Variants in TET1 observed in about 807,000 individuals in gnomAD.
TET1 encodes methylcytosine dioxygenase TET1.
Under a neutral mutation model 148.7 loss-of-function variants are expected in TET1, and 13 were observed. The ratio of observed to expected loss-of-function variants is 0.09; its 90% CI spans 0.06 to 0.14. The LOEUF is 0.14. Among genes scored for constraint, TET1 ranks in the 10% least tolerant of loss-of-function variants. The probability of loss-of-function intolerance (pLI) is 1.00; values close to 1 mark genes in which losing one functional copy is unlikely to be tolerated. For synonymous variants in TET1, 907 were observed against 937.2 expected, an observed-to-expected ratio of 0.97 and a Z score of 0.59; for missense variants, 2,182 against 2,553.8, an observed-to-expected ratio of 0.85 and a Z score of 3.14.
At chr10:68,586,595 A>C (rs1206552628) in intron 2 of TET1, among the ~76,000 whole-genome samples, 1 of 150,066 alleles carries the variant, frequency 6.7e-6, no homozygotes, top group African/African-American at 2.4e-5. Context: ...AGCTTTCCAA[A>C]GTGCTGGTAT....
At chr10:68,686,757 G>A (rs751699341) in intron 11 of TET1, 50 bp downstream of exon 11, 1 of 1,503,510 alleles carries the variant, frequency 6.7e-7, no homozygotes, top group Admixed American at 2.1e-5. Flanking sequence ...ATGGATAGAT[G>A]TGTTTGGACT....
intron 1 of TET1, among the ~76,000 whole-genome samples, chr10:68,563,482 A>T (rs1342507283): frequency 6.6e-6 from 1 of 152,260 alleles, no homozygotes; most frequent in African/African-American, 2.4e-5. Context: ...AGTCTCTTGC[A>T]ACTAGCTCTA....
At chr10:68,587,643 C>T (rs2053875115) in intron 2 of TET1, among the ~76,000 whole-genome samples, 1 of 152,134 alleles carries the variant, frequency 6.6e-6, no homozygotes, top group African/African-American at 2.4e-5. Flanking sequence ...CACATTACTT[C>T]ATTACTAATT....
chr10:68,675,254 C>T (rs1422751308), intron 8 of TET1, among the ~76,000 whole-genome samples: 1 of 152,168 alleles, frequency 6.6e-6, no homozygotes, highest in African/African-American at 2.4e-5. Context: ...TAATAATTTT[C>T]ACCAAAATAA....
At chr10:68,604,746 A>G (rs2054101458) in intron 3 of TET1, among the ~76,000 whole-genome samples, 1 of 152,216 alleles carries the variant, frequency 6.6e-6, no homozygotes, top group South Asian at 2.1e-4. Flanking sequence ...GGGCATGACT[A>G]GTGACCACAG....
intron 1 of TET1, among the ~76,000 whole-genome samples, chr10:68,566,886 A>G (rs1434436028): frequency 1.3e-5 from 2 of 151,404 alleles, no homozygotes; most frequent in Non-Finnish European, 2.9e-5. Flanking sequence ...TATTTATGAA[A>G]CACCTATCAT....
chr10:68,566,308 G>C (rs369741881), intron 1 of TET1, among the ~76,000 whole-genome samples: 3 of 152,288 alleles, frequency 2.0e-5, no homozygotes, highest in African/African-American at 7.2e-5. Context: ...AATTTCAAGA[G>C]ATTAAAATGA....
chr10:68,665,978 C>T (rs1051326991), intron 6 of TET1, among the ~76,000 whole-genome samples: 18 of 152,146 alleles, frequency 1.2e-4, no homozygotes, highest in African/African-American at 3.9e-4. Context: ...TTGCTCCATT[C>T]TGGTCACATG....
intron 1 of TET1, among the ~76,000 whole-genome samples, chr10:68,561,266 A>G (rs1026691629): frequency 6.6e-6 from 1 of 151,860 alleles, no homozygotes; most frequent in African/African-American, 2.4e-5. Context: ...CCCCCCATAT[A>G]TATATGAGAG....
chr10:68,594,488 C>G (rs2053955550), intron 2 of TET1, among the ~76,000 whole-genome samples: 1 of 152,128 alleles, frequency 6.6e-6, no homozygotes, highest in Admixed American at 6.6e-5. Flanking sequence ...GATCTGGCCC[C>G]TTGGGAGAGT....
intron 7 of TET1, among the ~76,000 whole-genome samples, chr10:68,667,897 T>G (rs1444242214): frequency 6.6e-6 from 1 of 152,134 alleles, no homozygotes; most frequent in African/African-American, 2.4e-5. Flanking sequence ...GTCATATCAT[T>G]TTGCATTTCC....
chr10:68,631,304 A>G (rs1246075140), intron 3 of TET1, among the ~76,000 whole-genome samples: 2 of 152,214 alleles, frequency 1.3e-5, no homozygotes, highest in East Asian at 3.8e-4. Flanking sequence ...ACCTAATTGT[A>G]GTAGATCGAA....
chr10:68,668,991 G>GAT (rs1010295860), intron 7 of TET1, among the ~76,000 whole-genome samples: 1 of 151,720 alleles, frequency 6.6e-6, no homozygotes, highest in Non-Finnish European at 1.5e-5. Context: ...GAGAGAGAGA[G>GAT]AGAGAGAGAA....
intron 2 of TET1, among the ~76,000 whole-genome samples, chr10:68,595,326 C>G (rs1231347128): frequency 6.6e-6 from 1 of 151,896 alleles, no homozygotes; most frequent in African/African-American, 2.4e-5. Flanking sequence ...AAAATTGTAG[C>G]CCCCAAAATC....
Position 68,691,340 on chromosome 10 carries a change from C to T in TET1, c.5937C>T (p.Pro1979=). 6.2e-7 allele frequency: 1 copy of T among 1,614,196 alleles called. No individual in the cohort carries two copies. Among genetic ancestry groups the T allele is most frequent in the Non-Finnish European group, 8.5e-7 (1 of 1,180,042 alleles). ...PPSDEPLSDD[P]LSPAEEKLPH... is the part of the protein sequence containing the mutation. ...CAGACGAACCCCTATCTGATGACCC[C>T]CTGTCACCTGCTGAGGAGAAATTGC... The change falls in exon 12 of 12, where the codon CCC becomes CCT. Residue 1979 remains proline (P), a synonymous_variant. Coordinates refer to ENST00000373644, the MANE Select transcript of TET1 (RefSeq NM_030625.3). The surrounding 1 kb of genome is among the most constrained non-coding windows in gnomAD (Gnocchi z 4.4).
At chr10:68,631,389 AGGGTATTAGCT>A (rs1564979555) in intron 3 of TET1, among the ~76,000 whole-genome samples, 3 of 148,534 alleles carry the variant, frequency 2.0e-5, no homozygotes, top group Admixed American at 2.0e-4. Context: ...GCAATGTGGT[AGGGTATTAGCT>A]AACTATCCCC....
intron 3 of TET1, among the ~76,000 whole-genome samples, chr10:68,644,304 C>T (rs1438456786): frequency 3.3e-5 from 5 of 152,196 alleles, no homozygotes; most frequent in Middle Eastern, 6.8e-3. Context: ...TGTGCTGAAG[C>T]GATGCTGTCA....
intron 3 of TET1, among the ~76,000 whole-genome samples, chr10:68,629,511 C>G (rs934806566): frequency 6.6e-6 from 1 of 151,508 alleles, no homozygotes; most frequent in African/African-American, 2.4e-5. Context: ...TTTAATATTG[C>G]CTTAAATAAA....
chr10:68,592,655 C>G (rs1057144526), intron 2 of TET1, among the ~76,000 whole-genome samples: 11 of 152,114 alleles, frequency 7.2e-5, no homozygotes, highest in African/African-American at 2.7e-4. Context: ...ACTTAGTGCT[C>G]CAGTGTCTTT....
Sources: allele counts gnomAD v4.1 joint callset (sites outside exome capture counted in the v4.1 genomes callset), GRCh38; gene constraint gnomAD v4.1.1; non-coding constraint Gnocchi (gnomAD v3.1); transcripts MANE v1.5; gene names NCBI Gene and HGNC (gene_info 2026-07-23, HGNC 2026-07-21).